ARHGAP11B: variants seen among roughly 807,000 people sequenced by gnomAD.
ARHGAP11B encodes the protein inactive Rho GTPase-activating protein 11B.
Under a neutral mutation model 27.6 loss-of-function variants are expected in ARHGAP11B, and 14 were observed. The ratio of observed to expected loss-of-function variants is 0.51; its 90% CI spans 0.34 to 0.79. ARHGAP11B has a LOEUF of 0.79. ARHGAP11B is among the 30% of genes least tolerant of loss of function. The probability of loss-of-function intolerance (pLI) is 0.02; values close to 1 mark genes in which losing one functional copy is unlikely to be tolerated. For synonymous variants in ARHGAP11B, 82 were observed against 114.1 expected (o/e 0.72, Z 1.80); for missense variants, 245 against 320.1 (o/e 0.77, Z 1.79).
At chr15:30,632,516 T>C (rs531445058) in intron 2 of ARHGAP11B, among the ~76,000 whole-genome samples, 1 of 152,076 alleles carries the variant, frequency 6.6e-6, no homozygotes, top group South Asian at 2.1e-4. Flanking sequence ...TTTCATGACC[T>C]ACTTTTTATT....
chr15:30,640,879 C>T (rs2060311140), intron 7 of ARHGAP11B, among the ~76,000 whole-genome samples: 1 of 151,372 alleles, frequency 6.6e-6, no homozygotes, highest in Non-Finnish European at 1.5e-5. Context: ...GAGACTTAAA[C>T]TTTTTTAAGT....
chr15:30,631,522 T>C (rs1324646650), intron 2 of ARHGAP11B, among the ~76,000 whole-genome samples: 1 of 151,826 alleles, frequency 6.6e-6, no homozygotes, highest in East Asian at 1.9e-4. Context: ...AAAAATCAGC[T>C]GGGCAAGGTG....
chr15:30,629,245 T>C (rs1359826797), intron 1 of ARHGAP11B, among the ~76,000 whole-genome samples: 2 of 152,060 alleles, frequency 1.3e-5, no homozygotes, highest in Non-Finnish European at 2.9e-5. Flanking sequence ...AGAGTTAAGA[T>C]GTAAAACCTG....
At chr15:30,626,675 C>T (rs2060209281) in exon 1 of ARHGAP11B, 2 of 1,184,028 alleles carry the variant, frequency 1.7e-6, no homozygotes, top group East Asian at 2.6e-5. Context: ...TGGAAGTGGC[C>T]GGGGGTCGGG....
chr15:30,638,976 T>A (rs2060298887), intron 7 of ARHGAP11B, among the ~76,000 whole-genome samples, 166 bp downstream of exon 7: 1 of 152,018 alleles, frequency 6.6e-6, no homozygotes, highest in Admixed American at 6.6e-5. Flanking sequence ...CACACTATGT[T>A]GTGACATTGC....
At chr15:30,626,827 G>T (rs375258221) in exon 1 of ARHGAP11B, 1 of 1,613,670 alleles carries the variant, frequency 6.2e-7, no homozygotes. Context: ...CGGAATGTGG[G>T]ATCAGAGGCT....
intron 7 of ARHGAP11B, among the ~76,000 whole-genome samples, chr15:30,643,188 GC>G (rs2060325241): frequency 6.6e-6 from 1 of 151,562 alleles, no homozygotes; most frequent in African/African-American, 2.4e-5. Flanking sequence ...TTGTTGTTAT[GC>G]CCCCTTAGTC....
intron 2 of ARHGAP11B, among the ~76,000 whole-genome samples, chr15:30,632,454 C>A (rs2060252043): frequency 6.6e-6 from 1 of 151,818 alleles, no homozygotes; most frequent in African/African-American, 2.4e-5. Flanking sequence ...TTTTCGGCGT[C>A]TGGAATTGCA....
At chr15:30,635,238 A>C in intron 5 of ARHGAP11B, 50 bp downstream of exon 5, 3 of 1,599,408 alleles carry the variant, frequency 1.9e-6, no homozygotes, top group Non-Finnish European at 2.6e-6. Flanking sequence ...TATGCATCAG[A>C]TATTGGTAAG....
rs2060334535 is a variant in ARHGAP11B, at chr15:30,644,525, T to C, written c.*79-114T>C. 8.3e-6 allele frequency: 5 copies of C among 604,088 alleles called. No homozygotes were observed. The East Asian group carries it at 1.4e-4, about 17-fold the overall frequency. 37.4% of individuals were successfully genotyped at this position (604,088 alleles called of 1,614,324 possible). A position where few individuals can be genotyped will look rare whatever the true frequency, so the allele number is the denominator to read the frequency against. On this transcript the variant is annotated intron_variant, in intron 7 of 10. Coordinates refer to ENST00000428041, the Ensembl canonical transcript of ARHGAP11B. ...CGTTCTTATTGTTTTTGGTAACAAA[T>C]TTTACACATTCTTTTTTTGTCCTCA...
chr15:30,642,606 T>G (rs1040144451), intron 7 of ARHGAP11B, among the ~76,000 whole-genome samples: 37 of 152,098 alleles, frequency 2.4e-4, no homozygotes, highest in African/African-American at 8.9e-4. Flanking sequence ...AGATACTGAC[T>G]AAATATTTTA....
chr15:30,644,652 C>G, exon 8 of ARHGAP11B: 2 of 1,587,424 alleles, frequency 1.3e-6, no homozygotes, highest in Non-Finnish European at 1.7e-6. Context: ...ATGAAACAAC[C>G]ACCATCGGTT....
chr15:30,637,910 C>G (rs1034500373), intron 6 of ARHGAP11B, among the ~76,000 whole-genome samples: 2 of 150,450 alleles, frequency 1.3e-5, no homozygotes, highest in Non-Finnish European at 3.0e-5. Context: ...ATCTCCACCT[C>G]CTGGGTTCAA....
At chr15:30,641,338 CTTT>C (rs561343093) in intron 7 of ARHGAP11B, among the ~76,000 whole-genome samples, 2 of 142,660 alleles carry the variant, frequency 1.4e-5, no homozygotes, top group Non-Finnish European at 1.5e-5. Context: ...ATAATTGTCT[CTTT>C]TTTTTTTTTT....
intron 1 of ARHGAP11B, among the ~76,000 whole-genome samples, 167 bp downstream of exon 1, chr15:30,627,116 G>GTT (rs373706428): frequency 3.3e-5 from 5 of 149,800 alleles, no homozygotes; most frequent in African/African-American, 9.8e-5. Flanking sequence ...TGACATTCTT[G>GTT]TTTTTTTTTT....
At chr15:30,639,980 G>A (rs2060305440) in intron 7 of ARHGAP11B, among the ~76,000 whole-genome samples, 1 of 147,936 alleles carries the variant, frequency 6.8e-6, no homozygotes, top group Admixed American at 6.6e-5. Context: ...GAGTGTGTGT[G>A]TGTGTGTGTG....
At chr15:30,644,793 A>G in intron 8 of ARHGAP11B, 1 of 1,101,526 alleles carries the variant, frequency 9.1e-7, no homozygotes, top group Non-Finnish European at 1.4e-6. Context: ...TTTGTATGTG[A>G]ATAACTAAAT....
intron 7 of ARHGAP11B, among the ~76,000 whole-genome samples, chr15:30,641,369 CT>C (rs1394578414): frequency 6.9e-6 from 1 of 145,436 alleles, no homozygotes; most frequent in Non-Finnish European, 1.5e-5. Context: ...GAGTTTTGCT[CT>C]TGTTGCCCAG....
chr15:30,630,379 A>G (rs2060236841), intron 1 of ARHGAP11B, among the ~76,000 whole-genome samples: 1 of 151,758 alleles, frequency 6.6e-6, no homozygotes, highest in South Asian at 2.1e-4. Context: ...AGTGTTTTGG[A>G]CCAAATTCTG....
Sources: allele counts gnomAD v4.1 joint callset (sites outside exome capture counted in the v4.1 genomes callset), GRCh38; gene constraint gnomAD v4.1.1; transcripts MANE v1.5; gene names NCBI Gene and HGNC (gene_info 2026-07-23, HGNC 2026-07-21).